DCAF10: variants seen among roughly 807,000 people sequenced by gnomAD.
DCAF10 encodes DDB1- and CUL4-associated factor 10.
In DCAF10, 19 loss-of-function variants were observed where a neutral mutation model predicts 51.9. That is an observed-to-expected ratio of 0.37 (90% CI 0.26 to 0.54). The LOEUF is 0.54. Among genes scored for constraint, DCAF10 ranks in the 20% least tolerant of loss-of-function variants. The probability of loss-of-function intolerance (pLI) is 0.87; values close to 1 mark genes in which losing one functional copy is unlikely to be tolerated. For missense variants in DCAF10, 510 were observed against 730.6 expected (o/e 0.70, Z 3.48); for synonymous variants, 291 against 297.1 (o/e 0.98, Z 0.21).
At chr9:37,840,232 T>C (rs1222500687) in intron 2 of DCAF10, among the ~76,000 whole-genome samples, 1 of 152,222 alleles carries the variant, frequency 6.6e-6, no homozygotes, top group East Asian at 1.9e-4. Context: ...GTTATACTTA[T>C]TATTGTTATT....
intron 2 of DCAF10, among the ~76,000 whole-genome samples, chr9:37,820,026 A>T (rs1829656707): frequency 1.3e-5 from 2 of 152,254 alleles, no homozygotes; most frequent in African/African-American, 4.8e-5. Context: ...GATTAAAAGG[A>T]AATATTTTAA....
At chr9:37,822,893 A>G (rs1829748391) in intron 2 of DCAF10, among the ~76,000 whole-genome samples, 1 of 152,184 alleles carries the variant, frequency 6.6e-6, no homozygotes, top group African/African-American at 2.4e-5. Context: ...ACTTGAGCCC[A>G]GGAGTTCAAG....
At chr9:37,814,031 A>G (rs549984180) in intron 1 of DCAF10, among the ~76,000 whole-genome samples, 3 of 145,532 alleles carry the variant, frequency 2.1e-5, no homozygotes, top group Non-Finnish European at 3.0e-5. Context: ...AGGTAAAAAG[A>G]AGGAATAGAG....
At chr9:37,832,320 T>C (rs1206283054) in intron 2 of DCAF10, among the ~76,000 whole-genome samples, 2 of 152,002 alleles carry the variant, frequency 1.3e-5, no homozygotes, top group Non-Finnish European at 2.9e-5. Context: ...TAGTGGGGCA[T>C]GGTGGCGGGT....
At chr9:37,809,394 TAAAA>T (rs60722292) in intron 1 of DCAF10, among the ~76,000 whole-genome samples, 19,128 of 129,182 alleles carry the variant, frequency 0.15, 1,377 homozygotes, top group Non-Finnish European at 0.19. Context: ...GGAAATATAG[TAAAA>T]AAAAAAAAAA....
chr9:37,811,212 A>G (rs1829336593), intron 1 of DCAF10, among the ~76,000 whole-genome samples: 2 of 152,130 alleles, frequency 1.3e-5, no homozygotes, highest in African/African-American at 4.8e-5. Flanking sequence ...TGCGCCTGCC[A>G]TACTAGCTAC....
intron 6 of DCAF10, chr9:37,860,496 C>T: frequency 9.7e-6 from 2 of 206,430 alleles, no homozygotes; most frequent in African/African-American, 3.7e-5. Flanking sequence ...TCACCCTAAA[C>T]AAACAAACAA....
At chr9:37,821,911 TA>T (rs1193148730) in intron 2 of DCAF10, among the ~76,000 whole-genome samples, 4 of 143,832 alleles carry the variant, frequency 2.8e-5, no homozygotes, top group Admixed American at 7.0e-5. Context: ...CTCAAATCAG[TA>T]AAAAAAAAAC....
At position 37,866,336 on chromosome 9, in the gene DCAF10, A is replaced by G. The variant is rs1831136513; in HGVS notation, c.*4828A>G. ...AAAGTTATATTCATAATGTATTATT[A>G]TAAGTATCCAGCTCTGATGTATGTA... On this transcript the variant is annotated 3_prime_UTR_variant, in exon 7 of 7. Coordinates refer to ENST00000377724, the MANE Select transcript of DCAF10 (RefSeq NM_024345.5). 6.6e-6 allele frequency: 1 copy of G among 152,646 alleles called. No individual in the cohort carries two copies. The highest frequency in any genetic ancestry group is 2.4e-5 in the African/African-American group (1 of 41,456). 9.5% of individuals were successfully genotyped at this position (152,646 alleles called of 1,614,324 possible).
At chr9:37,803,836 G>T (rs1476162341) in intron 1 of DCAF10, among the ~76,000 whole-genome samples, 1 of 150,612 alleles carries the variant, frequency 6.6e-6, no homozygotes, top group East Asian at 1.9e-4. Flanking sequence ...GAAGGAGGGG[G>T]TGACACAGAA....
At chr9:37,817,883 C>T (rs924250929) in intron 1 of DCAF10, among the ~76,000 whole-genome samples, 2 of 152,100 alleles carry the variant, frequency 1.3e-5, no homozygotes, top group African/African-American at 4.8e-5. Flanking sequence ...AATATTTTTA[C>T]TCCCAATGAC....
chr9:37,836,523 G>A (rs1056346915), intron 2 of DCAF10: 5 of 800,828 alleles, frequency 6.2e-6, no homozygotes, highest in Middle Eastern at 3.5e-4. Context: ...TTGAGTTCTC[G>A]TGCCCTCATC....
chr9:37,817,342 C>T (rs1589083409), intron 1 of DCAF10, among the ~76,000 whole-genome samples: 1 of 152,102 alleles, frequency 6.6e-6, no homozygotes, highest in Non-Finnish European at 1.5e-5. Context: ...TGGTGGCTCA[C>T]ACCTATAATC....
At chr9:37,846,278 A>T (rs1046208251) in intron 3 of DCAF10, among the ~76,000 whole-genome samples, 1 of 152,172 alleles carries the variant, frequency 6.6e-6, no homozygotes, top group African/African-American at 2.4e-5. Context: ...GAGGAATAAG[A>T]TTCAACATTT....
Position 37,801,095 on chromosome 9 carries a change from C to G in DCAF10, c.229C>G (p.Pro77Ala). ...CGGAGAGCTAGGGCTGCCTGGAGCT[C>G]CGGAGTCCTCAACTGCCTCCGCCCC... is the stretch of plus-strand genomic sequence containing the variant. ...RSGELGLPGA[P>A]ESSTASAPGE... Residue 77 changes from proline (P) to alanine (A), a missense_variant, in exon 1 of 7, where the codon CCG becomes GCG. Pro to Ala is a conservative substitution (Grantham distance 27, BLOSUM62 -1). Around this residue, in one of 4 missense-constraint regions of DCAF10, gnomAD observed 251 missense variants for 227.9 expected, o/e 1.10. Coordinates refer to ENST00000377724, the MANE Select transcript of DCAF10 (RefSeq NM_024345.5). This position sits in a 1 kb window ranked among gnomAD's most constrained non-coding sequence, Gnocchi z 5.5. 1.3e-6 allele frequency: 2 copies of G among 1,535,224 alleles called. No individual in the cohort carries two copies. The highest frequency in any genetic ancestry group is 1.7e-6 in the Non-Finnish European group (2 of 1,146,256).
At chr9:37,818,855 G>A (rs1829623072) in intron 1 of DCAF10, among the ~76,000 whole-genome samples, 1 of 152,054 alleles carries the variant, frequency 6.6e-6, no homozygotes, top group African/African-American at 2.4e-5. Context: ...GTATTTCAAA[G>A]TATTGTGTAC....
intron 3 of DCAF10, among the ~76,000 whole-genome samples, chr9:37,849,715 T>C (rs1254716977): frequency 6.6e-6 from 1 of 152,068 alleles, no homozygotes; most frequent in Non-Finnish European, 1.5e-5. Context: ...ACCCCGTGTC[T>C]ACTAAAAATA....
chr9:37,808,078 T>C (rs1829176967), intron 1 of DCAF10, among the ~76,000 whole-genome samples: 1 of 152,236 alleles, frequency 6.6e-6, no homozygotes, highest in African/African-American at 2.4e-5. Flanking sequence ...GACCACAAGT[T>C]TCAAAAGATT....
chr9:37,854,270 A>G (rs1830780507), intron 3 of DCAF10, among the ~76,000 whole-genome samples: 1 of 151,816 alleles, frequency 6.6e-6, no homozygotes, highest in African/African-American at 2.4e-5. Context: ...CAGCTAATTT[A>G]TTTTAATTTT....
Sources: gnomAD v4.1 joint callset for allele counts (sites outside exome capture counted in the v4.1 genomes callset) on GRCh38, gnomAD v4.1.1 for gene constraint, gnomAD v4.1.1 regional missense constraint, Gnocchi (gnomAD v3.1) non-coding constraint, MANE v1.5 for transcripts, NCBI Gene and HGNC (gene_info 2026-07-23, HGNC 2026-07-21) for gene names.